ATP6V1G3: variants seen among roughly 807,000 people sequenced by gnomAD.
ATP6V1G3 encodes ATPase H+ transporting V1 subunit G3.
Under a neutral mutation model 9.3 loss-of-function variants are expected in ATP6V1G3, and 9 were observed. The ratio of observed to expected loss-of-function variants is 0.97; its 90% CI spans 0.59 to 1.69. The LOEUF is 1.69. ATP6V1G3 is among the 40% of genes most tolerant of loss of function. The probability of loss-of-function intolerance (pLI) is 0.00; values close to 1 mark genes in which losing one functional copy is unlikely to be tolerated. For synonymous variants in ATP6V1G3, 43 were observed against 43.8 expected (o/e 0.98, Z 0.07); for missense variants, 133 against 139.0 (o/e 0.96, Z 0.22).
chr1:198,528,869 G>A (rs1264917422), intron 2 of ATP6V1G3, among the ~76,000 whole-genome samples: 1 of 151,416 alleles, frequency 6.6e-6, no homozygotes, highest in African/African-American at 2.4e-5. Flanking sequence ...ACTACTGATG[G>A]ACCCTTTATG....
rs780505562 is a variant in ATP6V1G3 at position 198,523,554 on chromosome 1, G to A, written c.194C>T (p.Ser65Phe). 6.8e-6 allele frequency: 11 copies of A among 1,611,646 alleles called. No individual in the cohort carries two copies. The South Asian group carries it at 9.9e-5, about 15-fold the overall frequency. ...FRLKQSKIMGSQNNLSDEIEE... is the reference protein window; with the variant it reads ...FRLKQSKIMGFQNNLSDEIEE... ...TATTTCATCTGAGAGATTATTCTGA[G>A]AGCCCATTATCTACCAAAACAAAAC... is the stretch of plus-strand genomic sequence containing the variant. Residue 65 changes from serine (S) to phenylalanine (F), a missense_variant, in exon 3 of 3, where the codon TCT becomes TTT. Physicochemically the swap from Ser to Phe is radical, Grantham distance 155. Transcript: ENST00000367382.
At chr1:198,530,193 GT>G (rs1186758080) in intron 1 of ATP6V1G3, among the ~76,000 whole-genome samples, 6 of 151,972 alleles carry the variant, frequency 3.9e-5, no homozygotes, top group Non-Finnish European at 7.4e-5. Flanking sequence ...CCATTTTATA[GT>G]TTTTTTCCTC....
At chr1:198,535,159 A>C (rs1660057182) in intron 1 of ATP6V1G3, among the ~76,000 whole-genome samples, 1 of 152,150 alleles carries the variant, frequency 6.6e-6, no homozygotes, top group Non-Finnish European at 1.5e-5. Flanking sequence ...AATATTACCC[A>C]CCTGAAGAAA....
intron 1 of ATP6V1G3, among the ~76,000 whole-genome samples, chr1:198,535,627 A>C (rs1660080041): frequency 6.6e-6 from 1 of 152,128 alleles, no homozygotes; most frequent in South Asian, 2.1e-4. Context: ...ATATTAAAAT[A>C]ATATTAACAG....
chr1:198,530,756 C>A (rs1017697152), intron 1 of ATP6V1G3, among the ~76,000 whole-genome samples: 5 of 152,040 alleles, frequency 3.3e-5, no homozygotes, highest in African/African-American at 1.2e-4. Flanking sequence ...TCTCTGTGAG[C>A]AGAATAAATC....
At chr1:198,536,780 T>C (rs1660130242) in intron 1 of ATP6V1G3, 1 of 1,317,292 alleles carries the variant, frequency 7.6e-7, no homozygotes, top group Non-Finnish European at 1.1e-6. Context: ...ATATCATTCT[T>C]CTATCATTAT....
intron 2 of ATP6V1G3, among the ~76,000 whole-genome samples, chr1:198,526,353 C>T (rs1471355019): frequency 6.6e-6 from 1 of 152,102 alleles, no homozygotes; most frequent in Non-Finnish European, 1.5e-5. Flanking sequence ...ATGCTCAATA[C>T]ACATTTGTAT....
intron 2 of ATP6V1G3, among the ~76,000 whole-genome samples, chr1:198,526,961 A>G (rs1349198994): frequency 2.6e-5 from 4 of 152,202 alleles, no homozygotes; most frequent in Non-Finnish European, 5.9e-5. Flanking sequence ...GAAGGGATAA[A>G]TAGATTTTTG....
intron 2 of ATP6V1G3, among the ~76,000 whole-genome samples, chr1:198,525,943 A>G (rs1263956109): frequency 6.6e-6 from 1 of 152,168 alleles, no homozygotes. Context: ...TAATCAGTAC[A>G]TGTTAGTGAT....
At chr1:198,532,485 G>A (rs997967516) in intron 1 of ATP6V1G3, among the ~76,000 whole-genome samples, 1 of 152,086 alleles carries the variant, frequency 6.6e-6, no homozygotes, top group Non-Finnish European at 1.5e-5. Context: ...AGCAGTGAAA[G>A]CCACAAACTT....
At chr1:198,530,245 C>A (rs1022924122) in intron 1 of ATP6V1G3, among the ~76,000 whole-genome samples, 1 of 151,954 alleles carries the variant, frequency 6.6e-6, no homozygotes, top group Non-Finnish European at 1.5e-5. Context: ...TTCTGTCAAC[C>A]ATTTGTTATA....
chr1:198,534,043 G>A (rs1377945158), intron 1 of ATP6V1G3, among the ~76,000 whole-genome samples: 2 of 152,074 alleles, frequency 1.3e-5, no homozygotes, highest in African/African-American at 4.8e-5. Flanking sequence ...CAACAAAGGG[G>A]AACAAAGAAA....
At chr1:198,526,105 T>C (rs1387297334) in intron 2 of ATP6V1G3, among the ~76,000 whole-genome samples, 1 of 152,190 alleles carries the variant, frequency 6.6e-6, no homozygotes, top group Non-Finnish European at 1.5e-5. Flanking sequence ...CTGAATTTAT[T>C]TGATGCCCAG....
Position 198,523,297 on chromosome 1 carries a change from C to A in ATP6V1G3, c.*94G>T. 1 of 1,240,252 alleles carries A rather than the reference C, an allele frequency of 8.1e-7. No individual in the cohort carries two copies. 76.8% of individuals were successfully genotyped at this position (1,240,252 alleles called of 1,614,324 possible). On this transcript the variant is annotated 3_prime_UTR_variant, in exon 3 of 3. Transcript: ENST00000367382. The stretch of plus-strand genomic sequence containing the variant: ...TTCCTGTAAATGTAAATTTAAGGTT[C>A]TCATTTCAAATTTCTCAACATAAAA...
chr1:198,540,618 A>T lies in ATP6V1G3; in HGVS notation c.33T>A (p.Leu11=). The T allele has an allele frequency of 6.2e-7, 1 of 1,614,088 alleles. No individual in the cohort carries two copies. Among genetic ancestry groups the T allele is most frequent in the Non-Finnish European group, 8.5e-7 (1 of 1,179,950 alleles). MTSQSQGIHQ[L]LQAEKRAKDK... ...CCTTGGCCCGTTTTTCTGCCTGAAG[A>T]AGCTGGTGGATCCCCTGAGACTGGC... Residue 11 remains leucine, a synonymous_variant, in exon 1 of 3, where the codon CTT becomes CTA. Transcript: ENST00000367382.
chr1:198,529,720 C>T (rs960367318), intron 1 of ATP6V1G3, among the ~76,000 whole-genome samples: 4 of 152,086 alleles, frequency 2.6e-5, no homozygotes, highest in African/African-American at 9.7e-5. Flanking sequence ...TGGGATTTTT[C>T]CTTACCATTT....
Position 198,529,195 on chromosome 1 carries a change from A to ATATAT in ATP6V1G3, c.83-15_83-14insATATA. The ATATAT allele has an allele frequency of 2.1e-6, 1 of 466,004 alleles. No homozygotes were observed. Among genetic ancestry groups the ATATAT allele is most frequent in the Non-Finnish European group, 3.3e-6 (1 of 302,452 alleles). 28.9% of individuals were successfully genotyped at this position (466,004 alleles called of 1,614,324 possible). A position where few individuals can be genotyped will look rare whatever the true frequency, so the allele number is the denominator to read the frequency against. ...GCTTTCCTTTTCCTGAAAATTAACA[A>ATATAT]ATATATATATATATATATATAATTA... On this transcript the variant is annotated splice_polypyrimidine_tract_variant and intron_variant, in intron 1 of 2. Coordinates refer to ENST00000367382, the MANE Select transcript of ATP6V1G3 (RefSeq NM_001376861.1).
At chr1:198,525,617 T>C (rs2103130355) in intron 2 of ATP6V1G3, among the ~76,000 whole-genome samples, 1 of 152,280 alleles carries the variant, frequency 6.6e-6, no homozygotes, top group African/African-American at 2.4e-5. Context: ...GTGCAGTTAT[T>C]TTAGTAATAT....
chr1:198,529,641 T>A (rs961818345), intron 1 of ATP6V1G3, among the ~76,000 whole-genome samples: 8 of 152,154 alleles, frequency 5.3e-5, no homozygotes, highest in African/African-American at 1.9e-4. Context: ...CTGGCAGATC[T>A]CCAAAATCAC....
Sources: gnomAD v4.1 joint callset for allele counts (sites outside exome capture counted in the v4.1 genomes callset) on GRCh38, gnomAD v4.1.1 for gene constraint, MANE v1.5 for transcripts, NCBI Gene and HGNC (gene_info 2026-07-23, HGNC 2026-07-21) for gene names.